MAP2K3: variants seen among roughly 807,000 people sequenced by gnomAD.
The protein encoded by MAP2K3 is dual specificity mitogen-activated protein kinase kinase 3.
A neutral mutation model predicts 46.4 loss-of-function variants in MAP2K3; 30 were observed. That is an observed-to-expected ratio of 0.65 (90% CI 0.48 to 0.88). The LOEUF (loss-of-function observed/expected upper bound fraction) is 0.88. MAP2K3 is among the 40% of genes least tolerant of loss of function. The pLI, the probability that MAP2K3 is intolerant of heterozygous loss-of-function variation, is 0.00. For missense variants in MAP2K3, 380 were observed against 464.5 expected (o/e 0.82, Z 1.67); for synonymous variants, 189 against 176.3 (o/e 1.07, Z -0.57).
intron 1 of MAP2K3, among the ~76,000 whole-genome samples, chr17:21,296,881 A>G (rs1341326247): frequency 1.3e-5 from 2 of 152,296 alleles, no homozygotes; most frequent in African/African-American, 4.8e-5. Context: ...GCAGGCAGGC[A>G]CCCAGTGCAT....
chr17:21,295,955 G>T (rs1355690018), intron 1 of MAP2K3: 2 of 1,248,758 alleles, frequency 1.6e-6, no homozygotes, highest in Admixed American at 4.7e-5. Flanking sequence ...TCAAGGCCCA[G>T]GGTCTCTGTG....
chr17:21,307,571 C>T (rs12938219), intron 9 of MAP2K3, among the ~76,000 whole-genome samples: 1 of 101,444 alleles, frequency 9.9e-6, no homozygotes, highest in Non-Finnish European at 2.5e-5. Context: ...TGGGAGCGAG[C>T]GAAGAGAAGT....
intron 1 of MAP2K3, among the ~76,000 whole-genome samples, chr17:21,292,541 T>G (rs1976001476): frequency 6.6e-6 from 1 of 152,310 alleles, no homozygotes; most frequent in African/African-American, 2.4e-5. Flanking sequence ...TTTGTTTTAT[T>G]TTTTGTAGAG....
At chr17:21,293,128 C>T (rs935956217) in intron 1 of MAP2K3, among the ~76,000 whole-genome samples, 3 of 152,296 alleles carry the variant, frequency 2.0e-5, no homozygotes, top group African/African-American at 2.4e-5. Context: ...AGCTGCTCAA[C>T]GTGGAATTTC....
chr17:21,298,076 C>T (rs1400532236), intron 1 of MAP2K3, among the ~76,000 whole-genome samples: 1 of 152,308 alleles, frequency 6.6e-6, no homozygotes, highest in South Asian at 2.1e-4. Context: ...CACCCCACAT[C>T]CCATTGACTA....
rs368729510 is a variant in MAP2K3 at position 21,298,466 on chromosome 17, G to A, written c.103G>A (p.Ala35Thr). ...GATATCCTGCATGTCCAAGCCACCC[G>A]CACCCAACCCCACGTGAGTCTGCCT... is the stretch of plus-strand genomic sequence containing the variant. ...LRISCMSKPPAPNPTPPRNLD... is the reference protein window; with the variant it reads ...LRISCMSKPPTPNPTPPRNLD... The change falls in exon 2 of 12, where the codon GCA (alanine) becomes ACA (threonine). Residue 35 changes from alanine (A) to threonine (T), a missense_variant. Physicochemically the swap from Ala to Thr is moderately conservative, Grantham distance 58 (BLOSUM62 0). This residue lies in a region of MAP2K3 where 294 missense variants were observed against 275.4 expected (regional missense o/e 1.07). Coordinates refer to ENST00000342679, the MANE Select transcript of MAP2K3 (RefSeq NM_145109.3). 39 of 1,614,160 alleles carry A rather than the reference G, an allele frequency of 2.4e-5. No homozygotes were observed. In the African/African-American group the frequency reaches 2.7e-4, roughly 11 times the overall value.
At chr17:21,300,760 T>C (rs1976549991) in intron 4 of MAP2K3, 102 bp downstream of exon 4, 1 of 1,608,556 alleles carries the variant, frequency 6.2e-7, no homozygotes, top group Non-Finnish European at 8.5e-7. Context: ...GTACCGAGGC[T>C]AGGCTTTTTG....
At chr17:21,303,673 G>C (rs1294867642) in intron 7 of MAP2K3, among the ~76,000 whole-genome samples, 1 of 152,310 alleles carries the variant, frequency 6.6e-6, no homozygotes, top group African/African-American at 2.4e-5. Context: ...GGTTGGTTTC[G>C]CCCTTTCTGG....
chr17:21,310,709 C>T (rs1977121048), intron 9 of MAP2K3, among the ~76,000 whole-genome samples: 2 of 152,232 alleles, frequency 1.3e-5, no homozygotes, highest in African/African-American at 2.4e-5. Context: ...CACAGGGGTG[C>T]GACTACGGTC....
At chr17:21,285,040 T>G in intron 1 of MAP2K3, 71 bp downstream of exon 1, 1 of 1,547,220 alleles carries the variant, frequency 6.5e-7, no homozygotes, top group Non-Finnish European at 8.8e-7. Flanking sequence ...AACCCCGACC[T>G]TTCTTTGGTC....
In MAP2K3 at chr17:21,314,415, T is replaced by C. The variant is rs2363370; in HGVS notation, c.*185T>C. The C allele has an allele frequency of 1.4e-4, 84 of 608,146 alleles. 1 individual carries two copies. Among genetic ancestry groups the C allele is most frequent in the South Asian group, 4.9e-4 (26 of 52,888 alleles). The allele number at this position is 608,146 out of a possible 1,614,324, so 37.7% of individuals were successfully genotyped here. The stretch of plus-strand genomic sequence containing the variant: ...CCCAAGTGCCAAAGAAGCAGACCAT[T>C]GGGGCTCCCAGCCAGGCCCTTGTCG... On this transcript the variant is annotated 3_prime_UTR_variant, in exon 12 of 12. Transcript: ENST00000342679.
rs1012536662 is a variant in MAP2K3, at chr17:21,302,483, C to T, written c.516+224C>T. Among the ~76,000 whole-genome samples the T allele has an allele frequency of 1.5e-4, 23 of 152,412 alleles. No individual in the cohort carries two copies. In the South Asian group the frequency reaches 3.3e-3, roughly 22 times the overall value. On this transcript the variant is annotated intron_variant, in intron 6 of 11. Coordinates refer to ENST00000342679, the MANE Select transcript of MAP2K3 (RefSeq NM_145109.3). Reference sequence around the variant, plus strand: ...CGCTCCTGGGGCTCCTGGAGCCCCACAGATTTGGCAGATCCAGGTGTCTGA... The same window carrying T: ...CGCTCCTGGGGCTCCTGGAGCCCCATAGATTTGGCAGATCCAGGTGTCTGA...
intron 1 of MAP2K3, among the ~76,000 whole-genome samples, chr17:21,295,378 G>A (rs533812387): frequency 6.6e-6 from 1 of 152,430 alleles, no homozygotes; most frequent in East Asian, 1.9e-4. Context: ...CTATGAGGCT[G>A]GAGTATGTGG....
chr17:21,294,460 G>A (rs1186967821), intron 1 of MAP2K3, among the ~76,000 whole-genome samples: 1 of 152,310 alleles, frequency 6.6e-6, no homozygotes, highest in East Asian at 1.9e-4. Flanking sequence ...GTGACCCTTA[G>A]AGGGTCACAC....
intron 9 of MAP2K3, among the ~76,000 whole-genome samples, chr17:21,308,155 C>T (rs1430484498): frequency 1.2e-4 from 10 of 82,190 alleles, no homozygotes; most frequent in Non-Finnish European, 2.4e-4. Context: ...TGTGCCTGGC[C>T]TTTTTTTTTT....
At chr17:21,299,064 C>A (rs549204762) in intron 3 of MAP2K3, 138 bp downstream of exon 3, 2 of 1,275,306 alleles carry the variant, frequency 1.6e-6, no homozygotes, top group Non-Finnish European at 1.1e-6. Context: ...CCTCGTCCTG[C>A]GCTGCTGGCT....
chr17:21,292,302 A>T (rs1477255862), intron 1 of MAP2K3, among the ~76,000 whole-genome samples: 1 of 152,308 alleles, frequency 6.6e-6, no homozygotes. Context: ...CACACAGTGC[A>T]GGAATCTCAA....
chr17:21,306,983 A>G (rs1976919197), intron 9 of MAP2K3, among the ~76,000 whole-genome samples: 1 of 152,298 alleles, frequency 6.6e-6, no homozygotes, highest in Non-Finnish European at 1.5e-5. Flanking sequence ...AAGGGGTCTC[A>G]CTATGTTGCC....
chr17:21,300,726 C>T lies in MAP2K3; in HGVS notation c.279+68C>T, dbSNP rs764383139. On this transcript the variant is annotated intron_variant, in intron 4 of 11. Coordinates refer to ENST00000342679, the MANE Select transcript of MAP2K3 (RefSeq NM_145109.3). The stretch of plus-strand genomic sequence containing the variant: ...GGCGGGCTGAGCTCTGCCATGGGGC[C>T]CTGCCTATCCCTCTCAGTGATCAGT... 1.0e-5 allele frequency: 16 copies of T among 1,596,484 alleles called. No individual in the cohort carries two copies. The African/African-American group carries it at 2.1e-4, about 21-fold the overall frequency.
Sources: allele counts gnomAD v4.1 joint callset (sites outside exome capture counted in the v4.1 genomes callset), GRCh38; gene constraint gnomAD v4.1.1; regional missense constraint gnomAD v4.1.1; transcripts MANE v1.5; gene names NCBI Gene and HGNC (gene_info 2026-07-23, HGNC 2026-07-21).